Variants in GSK3B observed in about 807,000 individuals in gnomAD.
GSK3B encodes glycogen synthase kinase-3 beta.
In GSK3B, 15 loss-of-function variants were observed where a neutral mutation model predicts 56.4. The ratio of observed to expected loss-of-function variants is 0.27; its 90% CI spans 0.18 to 0.41. The LOEUF is 0.41. GSK3B is among the 10% of genes least tolerant of loss of function. The pLI, the probability that GSK3B is intolerant of heterozygous loss-of-function variation, is 1.00. For missense variants in GSK3B, 300 were observed against 513.4 expected, an observed-to-expected ratio of 0.58 and a Z score of 4.02; for synonymous variants, 181 against 188.9, an observed-to-expected ratio of 0.96 and a Z score of 0.34.
At chr3:120,044,692 A>G (rs912474286) in intron 1 of GSK3B, among the ~76,000 whole-genome samples, 1 of 152,250 alleles carries the variant, frequency 6.6e-6, no homozygotes, top group African/African-American at 2.4e-5. Context: ...TATTATAATC[A>G]GCAGCGATTT....
intron 2 of GSK3B, among the ~76,000 whole-genome samples, chr3:119,970,335 G>A (rs75272768): frequency 4.0e-4 from 61 of 152,108 alleles, no homozygotes; most frequent in Admixed American, 7.2e-4. Flanking sequence ...AAATAAATGC[G>A]AAAAGATATT....
At chr3:120,072,706 CTTAT>C (rs1181026064) in intron 1 of GSK3B, among the ~76,000 whole-genome samples, 1 of 152,126 alleles carries the variant, frequency 6.6e-6, no homozygotes, top group Non-Finnish European at 1.5e-5. Flanking sequence ...CAATTTCTGG[CTTAT>C]TTTTCAACAT....
intron 1 of GSK3B, among the ~76,000 whole-genome samples, chr3:120,015,675 A>C (rs1030137761): frequency 2.0e-5 from 3 of 150,986 alleles, no homozygotes; most frequent in East Asian, 1.9e-4. Flanking sequence ...AAAAAAAAAA[A>C]AAAACTAGAC....
intron 8 of GSK3B, among the ~76,000 whole-genome samples, chr3:119,872,373 A>C (rs1026037992): frequency 3.9e-5 from 6 of 152,174 alleles, no homozygotes; most frequent in Non-Finnish European, 7.4e-5. Context: ...TGAAGAGGCA[A>C]GCAATTAATA....
intron 7 of GSK3B, among the ~76,000 whole-genome samples, chr3:119,884,064 CAAAG>C (rs2056408251): frequency 6.6e-6 from 1 of 151,742 alleles, no homozygotes; most frequent in Non-Finnish European, 1.5e-5. Flanking sequence ...GCAAAGCAGA[CAAAG>C]AAGAGTGCTA....
intron 6 of GSK3B, among the ~76,000 whole-genome samples, chr3:119,912,044 A>T (rs1306238562): frequency 1.3e-5 from 2 of 152,142 alleles, no homozygotes; most frequent in Non-Finnish European, 2.9e-5. Context: ...CACAATTTCG[A>T]TATGCCTTCC....
intron 9 of GSK3B, 26 bp downstream of exon 9, chr3:119,863,393 T>C: frequency 6.3e-7 from 1 of 1,578,938 alleles, no homozygotes; most frequent in Admixed American, 1.7e-5. Flanking sequence ...CTAGAACTGG[T>C]GAAGAGGCTA....
In GSK3B at chr3:119,836,137, T is replaced by G. The variant is rs571623992; in HGVS notation, c.1195+7118A>C. On this transcript the variant is annotated intron_variant, in intron 10 of 10. Transcript: ENST00000264235. Reference sequence around the variant, plus strand: ...AACGAGACTATAGCCAAATGAATTTTTAGAAGTTTGAAGAACAAATAGGTA... The same window carrying G: ...AACGAGACTATAGCCAAATGAATTTGTAGAAGTTTGAAGAACAAATAGGTA... Among the ~76,000 whole-genome samples the G allele has an allele frequency of 3.3e-5, 5 of 152,332 alleles. No homozygotes were observed. The South Asian group carries it at 1.0e-3, about 32-fold the overall frequency.
chr3:120,002,341 TTTA>T, intron 1 of GSK3B, 102 bp from the exon 2 acceptor site: 2 of 554,422 alleles, frequency 3.6e-6, no homozygotes, highest in Non-Finnish European at 5.6e-6. Flanking sequence ...TATTTTTTAT[TTTA>T]TTTTTTTTTT....
intron 1 of GSK3B, among the ~76,000 whole-genome samples, chr3:120,065,793 A>G (rs1191363489): frequency 6.6e-6 from 1 of 152,260 alleles, no homozygotes; most frequent in Admixed American, 6.5e-5. Context: ...AAGTACTGAT[A>G]CATGCTAAAA....
intron 1 of GSK3B, among the ~76,000 whole-genome samples, chr3:120,074,739 A>G (rs1029631304): frequency 1.3e-5 from 2 of 152,220 alleles, no homozygotes; most frequent in African/African-American, 4.8e-5. Context: ...AAATAGACCC[A>G]TAACAAACAA....
intron 9 of GSK3B, among the ~76,000 whole-genome samples, chr3:119,854,338 T>A (rs2055986405): frequency 6.6e-6 from 1 of 152,210 alleles, no homozygotes; most frequent in Admixed American, 6.5e-5. Context: ...TTATTGAAGA[T>A]TTTTGCATCC....
At chr3:120,051,709 G>A (rs772630899) in intron 1 of GSK3B, among the ~76,000 whole-genome samples, 3 of 151,170 alleles carry the variant, frequency 2.0e-5, no homozygotes, top group African/African-American at 7.3e-5. Flanking sequence ...GGAGGTCACA[G>A]TGAGCAGAGA....
At position 119,825,153 on chromosome 3, in the gene GSK3B, GATTGTGCCTTAAAGATTC is replaced by G. The variant is rs2055483185; in HGVS notation, c.*1617_*1634del. ...TGATCTTTAAATGTAAAGTACAACT[GATTGTGCCTTAAAGATTC>G]ATAGGTCAAGTAATGGCCCATAAGC... On this transcript the variant is annotated 3_prime_UTR_variant, in exon 11 of 11. Transcript: ENST00000264235. 2 of 216,854 alleles carry G rather than the reference GATTGTGCCTTAAAGATTC, an allele frequency of 9.2e-6. No homozygotes were observed. Among genetic ancestry groups the G allele is most frequent in the African/African-American group, 4.5e-5 (2 of 44,480 alleles). The allele number at this position is 216,854 out of a possible 1,614,324, so 13.4% of individuals were successfully genotyped here. A position where few individuals can be genotyped will look rare whatever the true frequency, so the allele number is the denominator to read the frequency against.
At chr3:120,091,281 G>A (rs1030633887) in intron 1 of GSK3B, among the ~76,000 whole-genome samples, 1 of 152,102 alleles carries the variant, frequency 6.6e-6, no homozygotes, top group Non-Finnish European at 1.5e-5. Context: ...CCTAACAAAT[G>A]CTTAAAGACT....
chr3:120,032,033 G>A (rs1464935599), intron 1 of GSK3B, among the ~76,000 whole-genome samples: 1 of 152,136 alleles, frequency 6.6e-6, no homozygotes, highest in Non-Finnish European at 1.5e-5. Flanking sequence ...AAGTGGCAAA[G>A]TTTGAATCGA....
intron 3 of GSK3B, among the ~76,000 whole-genome samples, chr3:119,944,111 C>A (rs1479323172): frequency 1.3e-5 from 2 of 152,136 alleles, no homozygotes; most frequent in African/African-American, 2.4e-5. Flanking sequence ...CCTAACCAAG[C>A]CTTTAATCTC....
intron 1 of GSK3B, among the ~76,000 whole-genome samples, chr3:120,034,885 G>A (rs564397842): frequency 6.6e-6 from 1 of 152,076 alleles, no homozygotes; most frequent in Non-Finnish European, 1.5e-5. Flanking sequence ...GATCACTTGA[G>A]GTCAGGAGCT....
chr3:119,848,239 G>A (rs1202695971), intron 9 of GSK3B, among the ~76,000 whole-genome samples: 2 of 152,054 alleles, frequency 1.3e-5, no homozygotes, highest in African/African-American at 4.8e-5. Context: ...GGATAACCCT[G>A]GTTTATGCTT....
Sources: gnomAD v4.1 joint callset for allele counts (sites outside exome capture counted in the v4.1 genomes callset) on GRCh38, gnomAD v4.1.1 for gene constraint, MANE v1.5 for transcripts, NCBI Gene and HGNC (gene_info 2026-07-23, HGNC 2026-07-21) for gene names.